Variants in CCDC88C observed in about 807,000 individuals in gnomAD.
The protein encoded by CCDC88C is protein Daple.
CCDC88C carries 131 observed loss-of-function variants against 198.8 expected under a neutral mutation model. The observed-to-expected ratio is 0.66, with a 90% CI of 0.57 to 0.76. The LOEUF is 0.76. CCDC88C is among the 30% of genes least tolerant of loss of function. The pLI is 0.00. For synonymous variants in CCDC88C, 1,166 were observed against 1,114.7 expected, an observed-to-expected ratio of 1.05 and a Z score of -0.92; for missense variants, 2,553 against 2,631.6, an observed-to-expected ratio of 0.97 and a Z score of 0.65.
chr14:91,316,176 C>A (rs78847300), intron 13 of CCDC88C, among the ~76,000 whole-genome samples: 2 of 152,144 alleles, frequency 1.3e-5, no homozygotes, highest in African/African-American at 4.8e-5. Flanking sequence ...CTTCCTCTTT[C>A]ACCTCCATGG....
intron 25 of CCDC88C, among the ~76,000 whole-genome samples, chr14:91,285,173 G>A (rs1245458669): frequency 3.9e-5 from 6 of 152,174 alleles, no homozygotes; most frequent in South Asian, 2.1e-4. Flanking sequence ...GGGCCTTACC[G>A]GAAAAGGCCC....
intron 21 of CCDC88C, 68 bp from the exon 22 acceptor site, chr14:91,297,559 C>G: frequency 6.7e-7 from 1 of 1,485,762 alleles, no homozygotes; most frequent in Non-Finnish European, 9.1e-7. Flanking sequence ...GCCCAGAGAC[C>G]TGGGCTATGT....
At chr14:91,398,392 A>G (rs1219489401) in intron 3 of CCDC88C, among the ~76,000 whole-genome samples, 1 of 152,174 alleles carries the variant, frequency 6.6e-6, no homozygotes, top group Non-Finnish European at 1.5e-5. Context: ...ATGGTGGCTC[A>G]CGCCTGTAAC....
rs116892946 is a variant in CCDC88C, at chr14:91,393,533, C to T, written c.270+15126G>A. ...GACTACCTGTTTTGGATTAACTGCC[C>T]CAGGTGGTTATCAAAATAGCCCAGA... On this transcript the variant is annotated intron_variant, in intron 3 of 29. Transcript: ENST00000389857. 6.0e-3 allele frequency among the ~76,000 whole-genome samples: 915 copies of T among 152,286 alleles called. 7 individuals are homozygous for T. Among genetic ancestry groups the T allele is most frequent in the Admixed American group, 9.3e-3 (142 of 15,286 alleles).
chr14:91,374,421 A>G (rs990875860), intron 3 of CCDC88C, among the ~76,000 whole-genome samples: 2 of 152,242 alleles, frequency 1.3e-5, no homozygotes, highest in African/African-American at 4.8e-5. Context: ...AATATATGTC[A>G]CATGTGTGTG....
chr14:91,292,613 G>A (rs981598441), intron 23 of CCDC88C, among the ~76,000 whole-genome samples: 1 of 152,090 alleles, frequency 6.6e-6, no homozygotes, highest in Admixed American at 6.5e-5. Flanking sequence ...GCACACCAGT[G>A]TTCACTGTGA....
chr14:91,275,287 A>T (rs1182472956), intron 29 of CCDC88C, among the ~76,000 whole-genome samples: 2 of 152,062 alleles, frequency 1.3e-5, no homozygotes, highest in African/African-American at 4.8e-5. Context: ...GGGAATGGGG[A>T]CTGTGAAGAC....
intron 3 of CCDC88C, among the ~76,000 whole-genome samples, chr14:91,361,812 G>A (rs1355611546): frequency 1.3e-5 from 2 of 152,066 alleles, no homozygotes; most frequent in African/African-American, 2.4e-5. Flanking sequence ...CAACACCCTC[G>A]CCCTACCACC....
intron 3 of CCDC88C, among the ~76,000 whole-genome samples, chr14:91,400,067 C>G (rs184093134): frequency 6.6e-6 from 1 of 152,084 alleles, no homozygotes; most frequent in Non-Finnish European, 1.5e-5. Context: ...TCTCCAGGAT[C>G]CCTGCTCCCC....
At chr14:91,382,802 A>T (rs527694764) in intron 3 of CCDC88C, among the ~76,000 whole-genome samples, 1 of 152,256 alleles carries the variant, frequency 6.6e-6, no homozygotes, top group East Asian at 1.9e-4. Context: ...CCGCTTTAAA[A>T]TTCTCTGCTT....
At chr14:91,308,603 G>T in intron 16 of CCDC88C, 111 bp from the exon 17 acceptor site, 3 of 1,160,730 alleles carry the variant, frequency 2.6e-6, no homozygotes, top group South Asian at 1.4e-5. Flanking sequence ...TTACGGAGCT[G>T]CTGCAGCTTT....
chr14:91,366,953 A>G (rs1389035637), intron 3 of CCDC88C, among the ~76,000 whole-genome samples: 1 of 152,194 alleles, frequency 6.6e-6, no homozygotes, highest in Non-Finnish European at 1.5e-5. Context: ...TGGGAGAAAC[A>G]TTACAGTCCT....
At position 91,331,403 on chromosome 14, in the gene CCDC88C, G is replaced by A. The variant is rs910937721; in HGVS notation, c.1051-5347C>T. On this transcript the variant is annotated intron_variant, in intron 10 of 29. Coordinates refer to ENST00000389857, the MANE Select transcript of CCDC88C (RefSeq NM_001080414.4). ...CCTGGGGCCAGAGGAGGGTGGAGGA[G>A]GGCAGAGGAGCTGGGGCCCTGTCTC... 1.5e-4 allele frequency among the ~76,000 whole-genome samples: 23 copies of A among 152,212 alleles called. 1 individual carries two copies. Among genetic ancestry groups the A allele is most frequent in the Non-Finnish European group, 4.4e-5 (3 of 68,024 alleles).
At chr14:91,364,983 C>T (rs75205118) in intron 3 of CCDC88C, among the ~76,000 whole-genome samples, 1,726 of 152,256 alleles carry the variant, frequency 0.011, 13 homozygotes, top group Non-Finnish European at 0.019. Context: ...CAGGGGAGGA[C>T]GACATCAGAT....
Position 91,272,512 on chromosome 14 carries a change from C to G in CCDC88C, c.*113G>C. 9.0e-7 allele frequency: 1 copy of G among 1,109,088 alleles called. No individual in the cohort carries two copies. The highest frequency in any genetic ancestry group is 2.2e-5 in the Admixed American group (1 of 45,524). 68.7% of individuals were successfully genotyped at this position (1,109,088 alleles called of 1,614,324 possible). ...CAAACAGCAGAAATGCGTGGGAACCCCTTTCCTCATTCCAAACCCTCTCCT... is the reference window on the plus strand; with the variant it reads ...CAAACAGCAGAAATGCGTGGGAACCGCTTTCCTCATTCCAAACCCTCTCCT... On this transcript the variant is annotated 3_prime_UTR_variant, in exon 30 of 30. Transcript: ENST00000389857.
intron 4 of CCDC88C, among the ~76,000 whole-genome samples, chr14:91,355,053 C>A (rs911762640): frequency 6.6e-6 from 1 of 152,108 alleles, no homozygotes; most frequent in Non-Finnish European, 1.5e-5. Context: ...GTGCCCGGAG[C>A]GGGCTGCAAA....
intron 12 of CCDC88C, among the ~76,000 whole-genome samples, 185 bp from the exon 13 acceptor site, chr14:91,321,489 C>T (rs976587840): frequency 6.6e-6 from 1 of 152,206 alleles, no homozygotes; most frequent in Non-Finnish European, 1.5e-5. Flanking sequence ...GGCTCCTCTG[C>T]AGGCTTTGCT....
At chr14:91,323,793 G>A (rs1166960752) in intron 12 of CCDC88C, among the ~76,000 whole-genome samples, 1 of 152,240 alleles carries the variant, frequency 6.6e-6, no homozygotes, top group Non-Finnish European at 1.5e-5. Flanking sequence ...GACTTCCAGA[G>A]GCAAGGGATT....
chr14:91,285,083 C>T (rs781329562), intron 25 of CCDC88C, among the ~76,000 whole-genome samples: 1 of 152,178 alleles, frequency 6.6e-6, no homozygotes, highest in Non-Finnish European at 1.5e-5. Flanking sequence ...GGGCTGAACT[C>T]TGTCTGGGCA....
Sources: gnomAD v4.1 joint callset for allele counts (sites outside exome capture counted in the v4.1 genomes callset) on GRCh38, gnomAD v4.1.1 for gene constraint, MANE v1.5 for transcripts, NCBI Gene and HGNC (gene_info 2026-07-23, HGNC 2026-07-21) for gene names.